The following AIF1L variants were observed in gnomAD, a reference collection of about 807,000 sequenced individuals.
The protein encoded by AIF1L is allograft inflammatory factor 1 like.
In AIF1L, 12 loss-of-function variants were observed where a neutral mutation model predicts 20.7. The observed-to-expected ratio is 0.58, with a 90% CI of 0.37 to 0.94. The LOEUF (loss-of-function observed/expected upper bound fraction) is 0.94, where lower values mean the gene tolerates loss of function less well. AIF1L is among the 40% of genes least tolerant of loss of function. The pLI, the probability that AIF1L is intolerant of heterozygous loss-of-function variation, is 0.01. For synonymous variants in AIF1L, 76 were observed against 65.1 expected (o/e 1.17, Z -0.81); for missense variants, 173 against 185.3 (o/e 0.93, Z 0.39).
At position 131,114,564 on chromosome 9, in the gene AIF1L, C is replaced by A. The variant is rs775547349; in HGVS notation, c.161-13C>A. 1 of 1,613,964 alleles carries A rather than the reference C, an allele frequency of 6.2e-7. No homozygotes were observed. The highest frequency in any genetic ancestry group is 1.1e-5 in the South Asian group (1 of 91,060). On this transcript the variant is annotated splice_polypyrimidine_tract_variant and intron_variant, in intron 3 of 5. Coordinates refer to ENST00000247291, the MANE Select transcript of AIF1L (RefSeq NM_031426.4). ...TTCCAAACTAATGCTAGTTTTTGCTCTGTGATTTCCAGAGAAGTACATGGA... is the reference window on the plus strand; with the variant it reads ...TTCCAAACTAATGCTAGTTTTTGCTATGTGATTTCCAGAGAAGTACATGGA...
intron 2 of AIF1L, 71 bp downstream of exon 2, chr9:131,096,934 C>G: frequency 6.9e-7 from 1 of 1,440,524 alleles, no homozygotes; most frequent in Non-Finnish European, 9.1e-7. Flanking sequence ...TCTCCTTCCG[C>G]GAGGCCGTGC....
At chr9:131,098,395 G>A (rs937102200) in intron 2 of AIF1L, 2 of 152,490 alleles carry the variant, frequency 1.3e-5, no homozygotes, top group African/African-American at 4.8e-5. Flanking sequence ...AGATCACTGT[G>A]TGCCTGCCCA....
At position 131,117,768 on chromosome 9, in the gene AIF1L, TA is replaced by T; in HGVS notation, c.218del (p.Lys73ArgfsTer3). On this transcript the variant is annotated frameshift_variant, in exon 5 of 6. Transcript: ENST00000247291. LOFTEE classifies it high-confidence loss of function. ...TTTCCCCCGGCAGACCTGATGTCTT[TA>T]AAGAGGATGATGGAGAAGCTTGGTG... ...NNEGEIDLMS[L>X]KRMMEKLGVP... 1 of 1,612,418 alleles carries T rather than the reference TA, an allele frequency of 6.2e-7. No homozygotes were observed. Among genetic ancestry groups the T allele is most frequent in the African/African-American group, 1.3e-5 (1 of 74,894 alleles).
Position 131,120,347 on chromosome 9 carries a change from T to G in AIF1L, c.*25T>G. On this transcript the variant is annotated 3_prime_UTR_variant, in exon 6 of 6. Transcript: ENST00000247291. ...AGGACCCCGCCTGGACTCCCCAGCC[T>G]TCCCACCCCATACCTCCCTCCCGAT... 1 of 1,394,920 alleles carries G rather than the reference T, an allele frequency of 7.2e-7. No individual in the cohort carries two copies. The highest frequency in any genetic ancestry group is 1.5e-5 in the African/African-American group (1 of 67,646). 86.4% of individuals were successfully genotyped at this position (1,394,920 alleles called of 1,614,324 possible). A position where few individuals can be genotyped will look rare whatever the true frequency, so the allele number is the denominator to read the frequency against.
Position 131,096,552 on chromosome 9 carries a change from G to C in AIF1L, c.-78G>C. On this transcript the variant is annotated 5_prime_UTR_variant, in exon 1 of 6. Coordinates refer to ENST00000247291, the MANE Select transcript of AIF1L (RefSeq NM_031426.4). ...GGCCACACGCAGCTAGCCGGAGCCC[G>C]GACCAGGCGCCTGTGCCTCCTCCTC... 6.8e-7 allele frequency: 1 copy of C among 1,461,646 alleles called. No individual in the cohort carries two copies. Among genetic ancestry groups the C allele is most frequent in the Non-Finnish European group, 9.0e-7 (1 of 1,111,602 alleles). The allele number at this position is 1,461,646 out of a possible 1,614,324, so 90.5% of individuals were successfully genotyped here.
intron 4 of AIF1L, among the ~76,000 whole-genome samples, chr9:131,115,867 G>T (rs553077589): frequency 6.6e-6 from 1 of 151,814 alleles, no homozygotes; most frequent in South Asian, 2.1e-4. Context: ...CCAGCTACTC[G>T]GGAGGCTGAG....
At chr9:131,096,735 G>C in intron 1 of AIF1L, 67 bp from the exon 2 acceptor site, 1 of 1,471,576 alleles carries the variant, frequency 6.8e-7, no homozygotes, top group Middle Eastern at 2.0e-4. Flanking sequence ...GCGGGAAGCG[G>C]GCGGGGACGG....
intron 4 of AIF1L, among the ~76,000 whole-genome samples, chr9:131,115,705 G>A (rs1048428565): frequency 2.0e-5 from 3 of 150,630 alleles, no homozygotes; most frequent in Non-Finnish European, 3.0e-5. Context: ...CAGGCACAGT[G>A]TCTCACGCCT....
Position 131,122,586 on chromosome 9 carries a change from T to C in AIF1L, c.*2264T>C, listed in dbSNP as rs921222428. 1 of 152,170 alleles carries C rather than the reference T, an allele frequency of 6.6e-6. No individual in the cohort carries two copies. Among genetic ancestry groups the C allele is most frequent in the African/African-American group, 2.4e-5 (1 of 41,424 alleles). 9.4% of individuals were successfully genotyped at this position (152,170 alleles called of 1,614,324 possible). ...TAAAGCCTTCCTTCACTACCCATCA[T>C]ATTCAGTGTCCCTGTTCCTCACTCA... On this transcript the variant is annotated 3_prime_UTR_variant, in exon 6 of 6. Transcript: ENST00000247291.
intron 2 of AIF1L, among the ~76,000 whole-genome samples, chr9:131,104,794 A>G (rs1363042383): frequency 6.6e-6 from 1 of 151,592 alleles, no homozygotes; most frequent in Admixed American, 6.6e-5. Flanking sequence ...GCACTTTGGG[A>G]TGCTGAGATG....
intron 2 of AIF1L, among the ~76,000 whole-genome samples, chr9:131,107,459 C>T (rs4740415): frequency 1.3e-5 from 2 of 152,132 alleles, no homozygotes; most frequent in Non-Finnish European, 1.5e-5. Flanking sequence ...GCTGGGACAG[C>T]CCCTCCAAAT....
At chr9:131,098,902 C>T (rs1046374637) in intron 2 of AIF1L, among the ~76,000 whole-genome samples, 6 of 152,134 alleles carry the variant, frequency 3.9e-5, no homozygotes, top group Admixed American at 6.5e-5. Context: ...ACAGCCCAGC[C>T]GCTGTAGGGC....
intron 4 of AIF1L, among the ~76,000 whole-genome samples, chr9:131,116,559 A>C (rs980093775): frequency 3.3e-5 from 5 of 152,174 alleles, no homozygotes; most frequent in African/African-American, 1.2e-4. Context: ...CCATGGCGCC[A>C]GCTGATTTTT....
chr9:131,102,831 C>A (rs1227405779), intron 2 of AIF1L: 26 of 454,614 alleles, frequency 5.7e-5, no homozygotes, highest in Non-Finnish European at 3.5e-5. Context: ...CGGCATGGTG[C>A]TTCCTGTCCT....
At chr9:131,118,078 T>C (rs961488923) in intron 5 of AIF1L, among the ~76,000 whole-genome samples, 160 bp downstream of exon 5, 9 of 152,118 alleles carry the variant, frequency 5.9e-5, no homozygotes, top group African/African-American at 1.9e-4. Flanking sequence ...GATTTCCTTA[T>C]CTGTCAATTG....
Position 131,096,612 on chromosome 9 carries a change from G to C in AIF1L, c.-18G>C. On this transcript the variant is annotated 5_prime_UTR_variant, in exon 1 of 6. Coordinates refer to ENST00000247291, the MANE Select transcript of AIF1L (RefSeq NM_031426.4). ...CGCGTCCGCGAAGCCTGGAGCCGGCGGGAGCCCCGCGCTCGCCATGTCGGG... is the reference window on the plus strand; with the variant it reads ...CGCGTCCGCGAAGCCTGGAGCCGGCCGGAGCCCCGCGCTCGCCATGTCGGG... The C allele has an allele frequency of 6.7e-7, 1 of 1,484,854 alleles. No homozygotes were observed. The highest frequency in any genetic ancestry group is 2.9e-5 in the East Asian group (1 of 34,316). The allele number at this position is 1,484,854 out of a possible 1,614,324, so 92.0% of individuals were successfully genotyped here.
At chr9:131,110,947 G>T (rs1481122356) in intron 2 of AIF1L, among the ~76,000 whole-genome samples, 1 of 151,634 alleles carries the variant, frequency 6.6e-6, no homozygotes, top group African/African-American at 2.4e-5. Context: ...GGGTGGGAGC[G>T]GGGGGATCAA....
At chr9:131,100,548 T>C (rs1457033634) in intron 2 of AIF1L, among the ~76,000 whole-genome samples, 3 of 152,218 alleles carry the variant, frequency 2.0e-5, no homozygotes, top group Non-Finnish European at 4.4e-5. Flanking sequence ...TGGCTGGGCC[T>C]CCTGCTGCGT....
chr9:131,106,214 A>G lies in AIF1L; in HGVS notation c.94-5383A>G, dbSNP rs1191250637. On this transcript the variant is annotated intron_variant, in intron 2 of 5. Transcript: ENST00000247291. ...ACTGTGCAGGGAGGGAGCCGCAGCT[A>G]CAGAGGATTTCATGTTCCCAGCACA... The G allele has an allele frequency of 2.6e-6, 4 of 1,535,712 alleles. No individual in the cohort carries two copies. The African/African-American group carries it at 4.1e-5, about 16-fold the overall frequency.
Sources: allele counts gnomAD v4.1 joint callset (sites outside exome capture counted in the v4.1 genomes callset), GRCh38; gene constraint gnomAD v4.1.1; transcripts MANE v1.5; gene names NCBI Gene and HGNC (gene_info 2026-07-23, HGNC 2026-07-21).